Variants in PRMT8 observed in about 807,000 individuals in gnomAD.
PRMT8 encodes the protein protein arginine N-methyltransferase 8.
A neutral mutation model predicts 47.1 loss-of-function variants in PRMT8; 7 were observed. The observed-to-expected ratio is 0.15, with a 90% CI of 0.08 to 0.28. The LOEUF is 0.28. PRMT8 is among the 10% of genes least tolerant of loss of function. The pLI, the probability that PRMT8 is intolerant of heterozygous loss-of-function variation, is 1.00. For missense variants in PRMT8, 237 were observed against 505.4 expected (o/e 0.47, Z 5.09); for synonymous variants, 188 against 186.5 (o/e 1.01, Z -0.07).
upstream of PRMT8, among the ~76,000 whole-genome samples, chr12:3,489,647 TCA>T (rs570806114): frequency 3.7e-4 from 56 of 151,954 alleles, no homozygotes; most frequent in African/African-American, 1.3e-3. Context: ...TTCTCCAGAT[TCA>T]CATTTATTTT....
At chr12:3,543,827 G>A (rs1451048860) in intron 2 of PRMT8, among the ~76,000 whole-genome samples, 1 of 152,218 alleles carries the variant, frequency 6.6e-6, no homozygotes, top group Non-Finnish European at 1.5e-5. Flanking sequence ...TGAAGTGGAA[G>A]ATGTGTGCTT....
At chr12:3,430,497 C>CA (rs1864663608) in intron 1 of PRMT8, among the ~76,000 whole-genome samples, 2 of 152,146 alleles carry the variant, frequency 1.3e-5, no homozygotes, top group African/African-American at 4.8e-5. Context: ...ATATTGATTT[C>CA]AGAGTATTCT....
chr12:3,443,949 TC>T (rs1290678991), intron 1 of PRMT8, among the ~76,000 whole-genome samples: 5 of 152,262 alleles, frequency 3.3e-5, no homozygotes, highest in African/African-American at 1.2e-4. Context: ...GGCATTTCTT[TC>T]GTCTAAGTTC....
chr12:3,571,601 T>C (rs1866847372), intron 6 of PRMT8, among the ~76,000 whole-genome samples: 1 of 151,992 alleles, frequency 6.6e-6, no homozygotes, highest in East Asian at 1.9e-4. Flanking sequence ...CTCATTGCAG[T>C]GTTCATACCT....
At chr12:3,484,341 G>A (rs1865302647) in intron 1 of PRMT8, among the ~76,000 whole-genome samples, 1 of 152,202 alleles carries the variant, frequency 6.6e-6, no homozygotes, top group Non-Finnish European at 1.5e-5. Context: ...TTAAAGAGGA[G>A]GAAACAGGCC....
chr12:3,419,945 G>A (rs1591544087), intron 1 of PRMT8, among the ~76,000 whole-genome samples: 1 of 148,262 alleles, frequency 6.7e-6, no homozygotes, highest in Non-Finnish European at 1.5e-5. Flanking sequence ...CACAGGAATG[G>A]GGGGGTGGTT....
In PRMT8 at chr12:3,583,757, G is replaced by A. The variant is rs958182957; in HGVS notation, c.979+549G>A. ...CCCAGCCCCGCTTACGAGGTGCCTC[G>A]CTGCCTGCAGTAGATAAGCCTGGCA... On this transcript the variant is annotated intron_variant, in intron 8 of 9. Transcript: ENST00000382622. This position sits in a 1 kb window ranked among gnomAD's most constrained non-coding sequence, Gnocchi z 4.7. Among the ~76,000 whole-genome samples, 3 of 152,148 alleles carry A rather than the reference G, an allele frequency of 2.0e-5. No homozygotes were observed. The highest frequency in any genetic ancestry group is 7.2e-5 in the African/African-American group (3 of 41,412).
chr12:3,411,114 T>C (rs890979999), intron 1 of PRMT8, among the ~76,000 whole-genome samples: 1 of 152,210 alleles, frequency 6.6e-6, no homozygotes, highest in African/African-American at 2.4e-5. Context: ...CATAGCTCTT[T>C]GGGGTCCCAG....
At chr12:3,410,217 G>A (rs1422758892) in intron 1 of PRMT8, among the ~76,000 whole-genome samples, 1 of 152,168 alleles carries the variant, frequency 6.6e-6, no homozygotes, top group Non-Finnish European at 1.5e-5. Flanking sequence ...AACAAACCAT[G>A]TTTTTTAGGT....
At chr12:3,477,139 A>G (rs1484296975) in intron 1 of PRMT8, among the ~76,000 whole-genome samples, 3 of 152,274 alleles carry the variant, frequency 2.0e-5, no homozygotes. Flanking sequence ...ACTGTGGTCT[A>G]GTAACAAGGC....
At chr12:3,384,864 A>G (rs1322897507) in intron 1 of PRMT8, among the ~76,000 whole-genome samples, 2 of 149,894 alleles carry the variant, frequency 1.3e-5, no homozygotes, top group Non-Finnish European at 1.5e-5. Flanking sequence ...ACTGAAGGAC[A>G]TTTAGCATCC....
chr12:3,488,223 G>C (rs940236471), upstream of PRMT8, among the ~76,000 whole-genome samples: 16 of 152,286 alleles, frequency 1.1e-4, no homozygotes, highest in African/African-American at 3.9e-4. Context: ...CATATAGTAA[G>C]TGTTCTATAA....
chr12:3,584,119 G>A (rs1867123300), intron 8 of PRMT8, among the ~76,000 whole-genome samples: 1 of 152,232 alleles, frequency 6.6e-6, no homozygotes, highest in Non-Finnish European at 1.5e-5. Flanking sequence ...GAGGCTGGAA[G>A]TCCAAAGGCA....
At chr12:3,474,966 G>T (rs553036055) in intron 1 of PRMT8, among the ~76,000 whole-genome samples, 1 of 152,312 alleles carries the variant, frequency 6.6e-6, no homozygotes, top group Admixed American at 6.5e-5. Context: ...CTTGGTTATT[G>T]TTCTGCTCTT....
At chr12:3,383,865 G>A (rs1447429647) in intron 1 of PRMT8, among the ~76,000 whole-genome samples, 1 of 152,082 alleles carries the variant, frequency 6.6e-6, no homozygotes, top group African/African-American at 2.4e-5. Context: ...TTTAATTTTT[G>A]TGTCTGTGTT....
At chr12:3,396,500 G>T (rs1864249888) in intron 1 of PRMT8, among the ~76,000 whole-genome samples, 1 of 152,144 alleles carries the variant, frequency 6.6e-6, no homozygotes, top group African/African-American at 2.4e-5. Context: ...ATGAAATTCT[G>T]GGTTGAAAAT....
chr12:3,430,158 T>C (rs1002766751), intron 1 of PRMT8, among the ~76,000 whole-genome samples: 3 of 152,204 alleles, frequency 2.0e-5, no homozygotes, highest in Admixed American at 6.5e-5. Context: ...TCGTAATTGA[T>C]TGAGCAAGTG....
At chr12:3,506,961 G>A (rs1013707500) in intron 1 of PRMT8, among the ~76,000 whole-genome samples, 5 of 152,130 alleles carry the variant, frequency 3.3e-5, no homozygotes, top group Admixed American at 6.5e-5. Flanking sequence ...GCTAAATCCT[G>A]CAGAATATAA....
At chr12:3,405,458 C>G (rs899184107) in intron 1 of PRMT8, among the ~76,000 whole-genome samples, 3 of 152,186 alleles carry the variant, frequency 2.0e-5, no homozygotes, top group African/African-American at 7.2e-5. Flanking sequence ...AACAGTCCCC[C>G]CAAATCTTAG....
Sources: gnomAD v4.1 joint callset for allele counts (sites outside exome capture counted in the v4.1 genomes callset) on GRCh38, gnomAD v4.1.1 for gene constraint, Gnocchi (gnomAD v3.1) non-coding constraint, MANE v1.5 for transcripts, NCBI Gene and HGNC (gene_info 2026-07-23, HGNC 2026-07-21) for gene names.